RABGAP1L: variants seen among roughly 807,000 people sequenced by gnomAD.
RABGAP1L encodes rab GTPase-activating protein 1-like.
Under a neutral mutation model 137.7 loss-of-function variants are expected in RABGAP1L, and 63 were observed. The observed-to-expected ratio is 0.46, with a 90% CI of 0.37 to 0.56. The LOEUF is 0.56. Ranked by LOEUF, RABGAP1L falls within the 20% of genes least tolerant of loss-of-function variation. The probability of loss-of-function intolerance (pLI) is 0.00; values close to 1 mark genes in which losing one functional copy is unlikely to be tolerated. For missense variants in RABGAP1L, 1,095 were observed against 1,244.0 expected, an observed-to-expected ratio of 0.88 and a Z score of 1.80; for synonymous variants, 431 against 433.7, an observed-to-expected ratio of 0.99 and a Z score of 0.08.
At chr1:174,568,145 C>T (rs1033544919) in intron 13 of RABGAP1L, among the ~76,000 whole-genome samples, 11 of 152,104 alleles carry the variant, frequency 7.2e-5, no homozygotes, top group Non-Finnish European at 1.0e-4. Flanking sequence ...GGGGAGCCAG[C>T]GCATCACATG....
At chr1:174,498,410 G>A (rs970355023) in intron 13 of RABGAP1L, among the ~76,000 whole-genome samples, 16 of 152,220 alleles carry the variant, frequency 1.1e-4, no homozygotes, top group African/African-American at 2.9e-4. Flanking sequence ...ATTACTGTGC[G>A]ACTTTGAAAA....
chr1:174,162,775 C>CTTTTTT (rs1571316527), intron 1 of RABGAP1L, among the ~76,000 whole-genome samples: 5 of 23,434 alleles, frequency 2.1e-4, no homozygotes, highest in Non-Finnish European at 2.4e-4. Context: ...TTTTCTCTTT[C>CTTTTTT]TGTTTTTTTT....
intron 13 of RABGAP1L, among the ~76,000 whole-genome samples, chr1:174,571,585 T>A (rs188199723): frequency 0.017 from 2,552 of 152,026 alleles, 72 homozygotes; most frequent in African/African-American, 0.058. Flanking sequence ...ATAAAAAAAT[T>A]TTTAAAATAA....
At chr1:174,773,163 GGTGT>G (rs9286899) in intron 18 of RABGAP1L, among the ~76,000 whole-genome samples, 3 of 149,548 alleles carry the variant, frequency 2.0e-5, no homozygotes, top group Admixed American at 6.7e-5. Context: ...TAAGCTATGG[GGTGT>G]GTGTGTGTGT....
At chr1:174,400,045 C>T (rs1174109779) in intron 13 of RABGAP1L, among the ~76,000 whole-genome samples, 11 of 152,054 alleles carry the variant, frequency 7.2e-5, no homozygotes, top group Admixed American at 7.2e-4. Flanking sequence ...AATTTGAACC[C>T]ACAAATCACA....
At chr1:174,828,436 G>A (rs1469913446) in intron 19 of RABGAP1L, among the ~76,000 whole-genome samples, 3 of 147,810 alleles carry the variant, frequency 2.0e-5, no homozygotes, top group East Asian at 4.2e-4. Context: ...ATATGCCATG[G>A]CCTTGTCACA....
intron 1 of RABGAP1L, among the ~76,000 whole-genome samples, chr1:174,170,554 A>G (rs1665275324): frequency 6.6e-6 from 1 of 151,940 alleles, no homozygotes; most frequent in African/African-American, 2.4e-5. Flanking sequence ...ATGTGCCTGT[A>G]ATCCCAGCTG....
At chr1:174,961,845 CAAAAAAAAAA>C (rs61233451) in intron 20 of RABGAP1L, among the ~76,000 whole-genome samples, 26,847 of 89,168 alleles carry the variant, frequency 0.3, 3,168 homozygotes, top group Admixed American at 0.38. Flanking sequence ...GACTCTGTCT[CAAAAAAAAAA>C]AAAAAAAAAA....
intron 13 of RABGAP1L, among the ~76,000 whole-genome samples, chr1:174,571,166 C>A (rs925375131): frequency 1.3e-5 from 2 of 152,014 alleles, no homozygotes; most frequent in African/African-American, 4.8e-5. Context: ...ACAAGCCAGA[C>A]ACAGAAAGAC....
At chr1:174,507,715 A>G (rs915811110) in intron 13 of RABGAP1L, among the ~76,000 whole-genome samples, 2 of 152,154 alleles carry the variant, frequency 1.3e-5, no homozygotes, top group African/African-American at 4.8e-5. Context: ...GGAGTAGTGA[A>G]TTGGCTCAAA....
At chr1:174,736,712 C>A (rs1682974599) in intron 17 of RABGAP1L, among the ~76,000 whole-genome samples, 1 of 152,234 alleles carries the variant, frequency 6.6e-6, no homozygotes, top group Non-Finnish European at 1.5e-5. Context: ...GTCCTGAAAT[C>A]TAGGGGAAAT....
intron 1 of RABGAP1L, among the ~76,000 whole-genome samples, chr1:174,203,184 T>C (rs1022024087): frequency 1.3e-5 from 2 of 152,132 alleles, no homozygotes; most frequent in African/African-American, 4.8e-5. Context: ...TTTTTGTTTA[T>C]GATGTAAGGA....
intron 13 of RABGAP1L, among the ~76,000 whole-genome samples, chr1:174,436,447 T>G (rs1200891423): frequency 6.6e-6 from 1 of 152,238 alleles, no homozygotes; most frequent in Non-Finnish European, 1.5e-5. Flanking sequence ...GCTGCATAAA[T>G]GTCTTCTTTT....
At chr1:174,928,130 C>T (rs1421422342) in intron 19 of RABGAP1L, among the ~76,000 whole-genome samples, 1 of 152,120 alleles carries the variant, frequency 6.6e-6, no homozygotes, top group Non-Finnish European at 1.5e-5. Context: ...CTCTACTTCC[C>T]ACTGATTCGC....
chr1:174,537,309 A>G (rs1421601788), intron 13 of RABGAP1L, among the ~76,000 whole-genome samples: 5 of 152,212 alleles, frequency 3.3e-5, no homozygotes, highest in Non-Finnish European at 7.3e-5. Flanking sequence ...GAGCTATATC[A>G]GTACTAATGA....
intron 13 of RABGAP1L, among the ~76,000 whole-genome samples, chr1:174,562,193 A>G (rs775001094): frequency 1.3e-5 from 2 of 152,260 alleles, no homozygotes; most frequent in Non-Finnish European, 2.9e-5. Context: ...TGGGCAAAGC[A>G]TATGAACAGA....
chr1:174,680,294 G>A (rs1033981834), intron 14 of RABGAP1L, among the ~76,000 whole-genome samples: 9 of 152,120 alleles, frequency 5.9e-5, no homozygotes, highest in Non-Finnish European at 1.2e-4. Flanking sequence ...TCATGAGGGC[G>A]GAGCCCTCAT....
chr1:174,774,743 G>A (rs1036844449), intron 18 of RABGAP1L, among the ~76,000 whole-genome samples: 5 of 152,030 alleles, frequency 3.3e-5, no homozygotes, highest in African/African-American at 7.2e-5. Context: ...AGCCAGGCAC[G>A]ATGGCACGTG....
chr1:174,803,460 A>G (rs1688949722), intron 18 of RABGAP1L, among the ~76,000 whole-genome samples: 1 of 152,214 alleles, frequency 6.6e-6, no homozygotes, highest in African/African-American at 2.4e-5. Context: ...GCTAACTGGT[A>G]TTTCCCTTTT....
Sources: allele counts gnomAD v4.1 joint callset (sites outside exome capture counted in the v4.1 genomes callset), GRCh38; gene constraint gnomAD v4.1.1; transcripts MANE v1.5; gene names NCBI Gene and HGNC (gene_info 2026-07-23, HGNC 2026-07-21).